ADAMTSL1: variants seen among roughly 807,000 people sequenced by gnomAD.
The protein encoded by ADAMTSL1 is ADAMTS like 1, also known as ADAMTS-like protein 1.
A neutral mutation model predicts 201.8 loss-of-function variants in ADAMTSL1; 126 were observed. The ratio of observed to expected loss-of-function variants is 0.62; its 90% CI spans 0.54 to 0.72. ADAMTSL1 has a LOEUF of 0.72. ADAMTSL1 is among the 30% of genes least tolerant of loss of function. ADAMTSL1 has a pLI of 0.00. For missense variants in ADAMTSL1, 2,679 were observed against 2,277.8 expected, an observed-to-expected ratio of 1.18 and a Z score of -3.59; for synonymous variants, 1,121 against 903.4, an observed-to-expected ratio of 1.24 and a Z score of -4.32.
At chr9:18,309,516 A>C (rs1816431431) in intron 2 of ADAMTSL1, among the ~76,000 whole-genome samples, 1 of 152,178 alleles carries the variant, frequency 6.6e-6, no homozygotes, top group Non-Finnish European at 1.5e-5. Flanking sequence ...ATGTGCAAAA[A>C]TCACAAGCAT....
At chr9:18,020,678 A>G (rs2131582036) in intron 1 of ADAMTSL1, among the ~76,000 whole-genome samples, 1 of 152,130 alleles carries the variant, frequency 6.6e-6, no homozygotes, top group East Asian at 1.9e-4. Context: ...ATTACAATTC[A>G]AGATGAGATT....
At chr9:18,575,905 T>C (rs1822688242) in intron 4 of ADAMTSL1, among the ~76,000 whole-genome samples, 1 of 152,204 alleles carries the variant, frequency 6.6e-6, no homozygotes, top group Non-Finnish European at 1.5e-5. Flanking sequence ...CATTTATTTC[T>C]TTTGCATGGG....
chr9:18,895,324 A>C (rs1235018998), intron 26 of ADAMTSL1, among the ~76,000 whole-genome samples: 1 of 152,246 alleles, frequency 6.6e-6, no homozygotes, highest in East Asian at 1.9e-4. Flanking sequence ...AGTGCTCTGG[A>C]AAACAGCCCA....
At chr9:18,845,184 C>T (rs1352471866) in intron 23 of ADAMTSL1, among the ~76,000 whole-genome samples, 1 of 152,224 alleles carries the variant, frequency 6.6e-6, no homozygotes, top group East Asian at 1.9e-4. Context: ...CATCTTGGCT[C>T]AAGTGTCGGC....
intron 2 of ADAMTSL1, among the ~76,000 whole-genome samples, chr9:18,505,689 T>A (rs1823086070): frequency 6.6e-6 from 1 of 152,246 alleles, no homozygotes; most frequent in Non-Finnish European, 1.5e-5. Flanking sequence ...CATGGTAATA[T>A]TTTTAATGAA....
intron 5 of ADAMTSL1, among the ~76,000 whole-genome samples, chr9:18,634,610 T>G (rs867044372): frequency 6.6e-6 from 1 of 151,552 alleles, no homozygotes; most frequent in African/African-American, 2.4e-5. Flanking sequence ...GAGGCTGAGG[T>G]GAGCGGATCA....
At chr9:17,999,391 C>T (rs764690815) in intron 1 of ADAMTSL1, among the ~76,000 whole-genome samples, 2 of 151,716 alleles carry the variant, frequency 1.3e-5, no homozygotes, top group South Asian at 4.2e-4. Flanking sequence ...AGAATTATCC[C>T]AAAATAATAG....
At chr9:18,410,601 A>G (rs1818397142) in intron 2 of ADAMTSL1, among the ~76,000 whole-genome samples, 1 of 152,126 alleles carries the variant, frequency 6.6e-6, no homozygotes, top group African/African-American at 2.4e-5. Context: ...CATATATACC[A>G]CATTTTCTTT....
At chr9:18,076,327 T>C (rs1207219206) in intron 1 of ADAMTSL1, among the ~76,000 whole-genome samples, 7 of 152,214 alleles carry the variant, frequency 4.6e-5, no homozygotes, top group Non-Finnish European at 8.8e-5. Flanking sequence ...CCTTCTGTAG[T>C]CTAGGTATTG....
At chr9:18,483,610 G>C (rs1037600564) in intron 1 of ADAMTSL1, among the ~76,000 whole-genome samples, 3 of 152,162 alleles carry the variant, frequency 2.0e-5, no homozygotes, top group Non-Finnish European at 4.4e-5. Context: ...GGTGGATCAG[G>C]AGGTCAGGAG....
At chr9:18,775,418 G>A (rs754404848) in intron 17 of ADAMTSL1, among the ~76,000 whole-genome samples, 4 of 152,150 alleles carry the variant, frequency 2.6e-5, no homozygotes, top group Non-Finnish European at 2.9e-5. Flanking sequence ...GGAAACAGAC[G>A]AGAGAATTTA....
chr9:18,640,995 A>G (rs1032951444), intron 7 of ADAMTSL1, among the ~76,000 whole-genome samples: 7 of 151,970 alleles, frequency 4.6e-5, no homozygotes, highest in African/African-American at 1.7e-4. Flanking sequence ...CCATAGCCAC[A>G]GTATCTGCTA....
intron 2 of ADAMTSL1, among the ~76,000 whole-genome samples, chr9:18,402,790 C>G (rs9406748): frequency 0.18 from 26,897 of 152,104 alleles, 2,608 homozygotes; most frequent in South Asian, 0.26. Context: ...CATCCAGGGC[C>G]TGGAATTAGG....
At chr9:18,276,367 AT>A (rs1041194726) in intron 2 of ADAMTSL1, among the ~76,000 whole-genome samples, 2 of 151,988 alleles carry the variant, frequency 1.3e-5, no homozygotes, top group Admixed American at 1.3e-4. Context: ...CAATGTATAT[AT>A]TTTCATTTAT....
intron 2 of ADAMTSL1, among the ~76,000 whole-genome samples, chr9:18,287,909 A>T (rs1323349294): frequency 2.0e-5 from 3 of 152,214 alleles, no homozygotes; most frequent in Non-Finnish European, 4.4e-5. Flanking sequence ...CCTGAAGTAT[A>T]TGTAATTAAT....
intron 1 of ADAMTSL1, among the ~76,000 whole-genome samples, chr9:18,499,094 A>G (rs1037105068): frequency 5.3e-5 from 8 of 152,268 alleles, no homozygotes; most frequent in African/African-American, 1.4e-4. Context: ...TTTTCTCTTC[A>G]GTAGCAAGGG....
chr9:18,706,087 T>A (rs1832213925), intron 13 of ADAMTSL1, among the ~76,000 whole-genome samples: 1 of 152,210 alleles, frequency 6.6e-6, no homozygotes. Flanking sequence ...GGTTGGCTAT[T>A]TTTATGGTTA....
chr9:18,070,699 T>C (rs1822926232), intron 1 of ADAMTSL1, among the ~76,000 whole-genome samples: 2 of 152,124 alleles, frequency 1.3e-5, no homozygotes, highest in Non-Finnish European at 2.9e-5. Flanking sequence ...AGAAGGAGTC[T>C]TATAGCCAAA....
At chr9:17,951,829 G>C (rs1243147165) in intron 1 of ADAMTSL1, among the ~76,000 whole-genome samples, 1 of 151,392 alleles carries the variant, frequency 6.6e-6, no homozygotes, top group African/African-American at 2.4e-5. Flanking sequence ...TCTTTTTTCT[G>C]TTTTTAGAGA....
Sources: allele counts gnomAD v4.1 joint callset (sites outside exome capture counted in the v4.1 genomes callset), GRCh38; gene constraint gnomAD v4.1.1; transcripts MANE v1.5; gene names NCBI Gene and HGNC (gene_info 2026-07-23, HGNC 2026-07-21).